The following UBTD2 variants were observed in gnomAD, a reference collection of about 807,000 sequenced individuals.
The protein encoded by UBTD2 is ubiquitin domain containing 2.
UBTD2 carries 9 observed loss-of-function variants against 19.8 expected under a neutral mutation model. The ratio of observed to expected loss-of-function variants is 0.46; its 90% confidence interval spans 0.27 to 0.79. The LOEUF is 0.79. Ranked by LOEUF, UBTD2 falls within the 30% of genes least tolerant of loss-of-function variation. The pLI, the probability that UBTD2 is intolerant of heterozygous loss-of-function variation, is 0.14. For missense variants in UBTD2, 250 were observed against 300.4 expected (o/e 0.83, Z 1.24); for synonymous variants, 98 against 103.9 (o/e 0.94, Z 0.35).
At chr5:172,274,953 A>G (rs960956767) in intron 1 of UBTD2, among the ~76,000 whole-genome samples, 2 of 152,178 alleles carry the variant, frequency 1.3e-5, no homozygotes, top group African/African-American at 4.8e-5. Flanking sequence ...GGAGAATGGC[A>G]TGAACCCAGC....
At position 172,283,444 on chromosome 5, in the gene UBTD2, A is replaced by G. The variant is rs1294858096; in HGVS notation, c.70+152T>C. ...GGAAGGGGCGACCCCCGCGGCTGGC[A>G]GGACAGCCGGAAGCGGAGCGCGGGG... On this transcript the variant is annotated intron_variant, in intron 1 of 2. Coordinates refer to ENST00000393792, the MANE Select transcript of UBTD2 (RefSeq NM_152277.3). The surrounding 1 kb of genome is among the most constrained non-coding windows in gnomAD (Gnocchi z 4.3). The G allele has an allele frequency of 3.6e-6, 2 of 549,240 alleles. No homozygotes were observed. Among genetic ancestry groups the G allele is most frequent in the Non-Finnish European group, 2.7e-6 (1 of 374,276 alleles). 34.0% of individuals were successfully genotyped at this position (549,240 alleles called of 1,614,324 possible).
In UBTD2 at chr5:172,239,062, C is replaced by T. The variant is rs115037553; in HGVS notation, c.71-4704G>A. On this transcript the variant is annotated intron_variant, in intron 1 of 2. Coordinates refer to ENST00000393792, the MANE Select transcript of UBTD2 (RefSeq NM_152277.3). Reference sequence around the variant, plus strand: ...TACATACATGCATAATACATATATTCCCTTTACCTAAAGCAACTAACTGCC... The same window carrying T: ...TACATACATGCATAATACATATATTTCCTTTACCTAAAGCAACTAACTGCC... Among the ~76,000 whole-genome samples the T allele has an allele frequency of 6.9e-4, 103 of 150,248 alleles. 1 individual carries two copies. The highest frequency in any genetic ancestry group is 2.4e-3 in the African/African-American group (96 of 40,760).
At chr5:172,264,727 T>C (rs1755338871) in intron 1 of UBTD2, among the ~76,000 whole-genome samples, 1 of 151,458 alleles carries the variant, frequency 6.6e-6, no homozygotes, top group Non-Finnish European at 1.5e-5. Context: ...AATAAAAAAA[T>C]TAACCAGGCA....
intron 2 of UBTD2, among the ~76,000 whole-genome samples, 173 bp from the exon 3 acceptor site, chr5:172,212,400 A>C (rs1237667117): frequency 1.3e-5 from 2 of 152,178 alleles, no homozygotes; most frequent in African/African-American, 4.8e-5. Flanking sequence ...TTGAGTATTT[A>C]ATTTTATATG....
intron 1 of UBTD2, among the ~76,000 whole-genome samples, chr5:172,275,922 T>C (rs1472683789): frequency 6.6e-6 from 1 of 152,208 alleles, no homozygotes; most frequent in Non-Finnish European, 1.5e-5. Flanking sequence ...CTTCTCCTTT[T>C]CTCTTCTGTA....
intron 1 of UBTD2, among the ~76,000 whole-genome samples, chr5:172,280,281 C>T (rs1581237659): frequency 6.6e-6 from 1 of 150,904 alleles, no homozygotes; most frequent in Admixed American, 6.6e-5. Context: ...CACAGGTGGG[C>T]GGATTACTTA....
intron 2 of UBTD2, among the ~76,000 whole-genome samples, chr5:172,223,222 T>C (rs1305690625): frequency 6.6e-6 from 1 of 152,204 alleles, no homozygotes; most frequent in Non-Finnish European, 1.5e-5. Flanking sequence ...AGCTGAATTA[T>C]CTACAAGTAA....
intron 1 of UBTD2, among the ~76,000 whole-genome samples, chr5:172,256,978 CTTT>C (rs1006144028): frequency 5.3e-4 from 81 of 152,150 alleles, no homozygotes; most frequent in African/African-American, 1.8e-3. Context: ...TTGATGAATT[CTTT>C]TTTTTCTTCT....
At chr5:172,272,959 C>T (rs1323849548) in intron 1 of UBTD2, among the ~76,000 whole-genome samples, 2 of 152,064 alleles carry the variant, frequency 1.3e-5, no homozygotes. Context: ...CACCTGTAGT[C>T]CCAGCTACTC....
At chr5:172,265,464 A>G (rs1432775354) in intron 1 of UBTD2, among the ~76,000 whole-genome samples, 1 of 152,076 alleles carries the variant, frequency 6.6e-6, no homozygotes, top group Non-Finnish European at 1.5e-5. Context: ...CCTCCCGAGT[A>G]GCTGGGACTA....
At chr5:172,224,945 T>G (rs912999074) in intron 2 of UBTD2, among the ~76,000 whole-genome samples, 5 of 152,208 alleles carry the variant, frequency 3.3e-5, no homozygotes, top group African/African-American at 9.6e-5. Flanking sequence ...TTACAAAATT[T>G]ACAAAAAATT....
intron 1 of UBTD2, among the ~76,000 whole-genome samples, chr5:172,264,685 G>A (rs950220221): frequency 2.0e-5 from 3 of 151,868 alleles, no homozygotes; most frequent in East Asian, 3.9e-4. Context: ...GACCAAACTG[G>A]GCAACATGGT....
At chr5:172,224,216 G>A (rs1320140861) in intron 2 of UBTD2, among the ~76,000 whole-genome samples, 1 of 151,930 alleles carries the variant, frequency 6.6e-6, no homozygotes, top group African/African-American at 2.4e-5. Flanking sequence ...GGCCTGGTGG[G>A]AGGTGACTGG....
chr5:172,229,972 T>C (rs1771856833), intron 2 of UBTD2, among the ~76,000 whole-genome samples: 1 of 152,082 alleles, frequency 6.6e-6, no homozygotes, highest in South Asian at 2.1e-4. Context: ...AAAAAGGAAA[T>C]AAGCTCTTCA....
At chr5:172,236,682 A>C (rs1272561092) in intron 1 of UBTD2, among the ~76,000 whole-genome samples, 1 of 152,218 alleles carries the variant, frequency 6.6e-6, no homozygotes, top group Non-Finnish European at 1.5e-5. Context: ...ACTCAGTAAG[A>C]TATTTATCTG....
intron 1 of UBTD2, among the ~76,000 whole-genome samples, chr5:172,244,788 G>A (rs924767365): frequency 2.6e-5 from 4 of 151,900 alleles, no homozygotes; most frequent in Non-Finnish European, 5.9e-5. Flanking sequence ...GAGTGCAATG[G>A]TGCGATCTCG....
chr5:172,213,396 T>A (rs1771486512), intron 2 of UBTD2, among the ~76,000 whole-genome samples: 1 of 152,242 alleles, frequency 6.6e-6, no homozygotes, highest in South Asian at 2.1e-4. Context: ...TCATTGCTTA[T>A]CTATGAGTCT....
In UBTD2 at chr5:172,283,354, G is replaced by A. The variant is rs1314547468; in HGVS notation, c.70+242C>T. On this transcript the variant is annotated intron_variant, in intron 1 of 2. Coordinates refer to ENST00000393792, the MANE Select transcript of UBTD2 (RefSeq NM_152277.3). This position sits in a 1 kb window ranked among gnomAD's most constrained non-coding sequence, Gnocchi z 4.3. ...GGTCCGACTTCCCCGAGCCGAGCGG[G>A]GCGGTCGGCGAGGCCAAGGGCTACG... is the stretch of plus-strand genomic sequence containing the variant. 6.6e-6 allele frequency among the ~76,000 whole-genome samples: 1 copy of A among 152,200 alleles called. No individual in the cohort carries two copies. Among genetic ancestry groups the A allele is most frequent in the African/African-American group, 2.4e-5 (1 of 41,456 alleles).
intron 2 of UBTD2, among the ~76,000 whole-genome samples, chr5:172,219,326 G>A (rs1771608680): frequency 6.6e-6 from 1 of 152,128 alleles, no homozygotes; most frequent in Non-Finnish European, 1.5e-5. Context: ...TTGGTCAACT[G>A]TGGTCCAAAA....
Sources: gnomAD v4.1 joint callset for allele counts (sites outside exome capture counted in the v4.1 genomes callset) on GRCh38, gnomAD v4.1.1 for gene constraint, Gnocchi (gnomAD v3.1) non-coding constraint, MANE v1.5 for transcripts, NCBI Gene and HGNC (gene_info 2026-07-23, HGNC 2026-07-21) for gene names.